The following FSTL5 variants were observed in gnomAD, a reference collection of about 807,000 sequenced individuals.
The protein encoded by FSTL5 is follistatin-related protein 5.
A neutral mutation model predicts 89.1 loss-of-function variants in FSTL5; 62 were observed. The ratio of observed to expected loss-of-function variants is 0.70; its 90% CI spans 0.57 to 0.86. FSTL5 has a LOEUF of 0.86. Ranked by LOEUF, FSTL5 falls within the 40% of genes least tolerant of loss-of-function variation. The pLI is 0.00. For missense variants in FSTL5, 1,057 were observed against 1,001.6 expected (o/e 1.06, Z -0.75); for synonymous variants, 383 against 346.2 (o/e 1.11, Z -1.18).
intron 7 of FSTL5, among the ~76,000 whole-genome samples, chr4:161,605,057 G>T (rs2126629252): frequency 6.6e-6 from 1 of 152,134 alleles, no homozygotes; most frequent in Admixed American, 6.6e-5. Context: ...GAAAACAAAT[G>T]GTCAACTATG....
intron 3 of FSTL5, among the ~76,000 whole-genome samples, chr4:161,953,565 T>A (rs1734954164): frequency 6.6e-6 from 1 of 151,700 alleles, no homozygotes; most frequent in Admixed American, 6.6e-5. Context: ...AGTCACACAT[T>A]TCATAGAATT....
At chr4:161,471,270 G>A (rs1560910835) in intron 13 of FSTL5, among the ~76,000 whole-genome samples, 1 of 152,190 alleles carries the variant, frequency 6.6e-6, no homozygotes, top group African/African-American at 2.4e-5. Flanking sequence ...ATGAAAGAGT[G>A]TTAAATTTTA....
chr4:162,006,706 A>T (rs1338280217), intron 3 of FSTL5, among the ~76,000 whole-genome samples: 2 of 151,874 alleles, frequency 1.3e-5, no homozygotes, highest in East Asian at 3.9e-4. Flanking sequence ...ATTTTGCCTC[A>T]TTTGTATTGT....
chr4:161,410,429 C>T (rs943737240), intron 15 of FSTL5, among the ~76,000 whole-genome samples: 3 of 152,294 alleles, frequency 2.0e-5, no homozygotes, highest in African/African-American at 4.8e-5. Context: ...ATACATTTTT[C>T]GCATCTGTGC....
At chr4:161,508,697 G>A (rs1730560967) in intron 11 of FSTL5, among the ~76,000 whole-genome samples, 1 of 151,866 alleles carries the variant, frequency 6.6e-6, no homozygotes, top group African/African-American at 2.4e-5. Context: ...AAATTACTAC[G>A]AATTAATAAT....
intron 2 of FSTL5, among the ~76,000 whole-genome samples, chr4:162,091,419 T>C (rs1023119041): frequency 3.3e-5 from 5 of 152,172 alleles, no homozygotes; most frequent in Non-Finnish European, 2.9e-5. Context: ...TAAACTAATA[T>C]ATTCTCTCTT....
chr4:161,617,017 T>A (rs1454943368), intron 7 of FSTL5, among the ~76,000 whole-genome samples: 1 of 151,486 alleles, frequency 6.6e-6, no homozygotes, highest in Non-Finnish European at 1.5e-5. Context: ...AAAACTTAAC[T>A]TTTGATGATT....
In FSTL5 at chr4:161,696,838, A is replaced by C. The variant is rs143179263; in HGVS notation, c.728-40344T>G. ...ATTGCTGAATTCTTTTATTAATTGT[A>C]GGAGCTTTAAGGAGGAGTCTTTAGG... On this transcript the variant is annotated intron_variant, in intron 6 of 15. Transcript: ENST00000306100. Among the ~76,000 whole-genome samples the C allele has an allele frequency of 1.7e-3, 262 of 152,312 alleles. 2 individuals carry two copies. The highest frequency in any genetic ancestry group is 3.6e-3 in the Admixed American group (55 of 15,298).
chr4:161,567,163 C>T (rs1007053103), intron 8 of FSTL5, among the ~76,000 whole-genome samples: 1 of 151,796 alleles, frequency 6.6e-6, no homozygotes, highest in Non-Finnish European at 1.5e-5. Context: ...AATTGAACTA[C>T]AATTTAAACA....
At chr4:161,603,878 A>T (rs1484692148) in intron 7 of FSTL5, among the ~76,000 whole-genome samples, 1 of 152,146 alleles carries the variant, frequency 6.6e-6, no homozygotes, top group East Asian at 1.9e-4. Context: ...CAACAACGTC[A>T]GTTCCCCAGT....
chr4:161,662,008 G>GAGGATTTTTTTTC (rs1390944193), intron 6 of FSTL5, among the ~76,000 whole-genome samples: 4 of 152,064 alleles, frequency 2.6e-5, no homozygotes, highest in Non-Finnish European at 5.9e-5. Context: ...ACATTCTGTT[G>GAGGATTTTTTTTC]AGGATTTTTT....
chr4:161,461,447 C>A (rs1228479277), intron 13 of FSTL5, among the ~76,000 whole-genome samples: 3 of 95,608 alleles, frequency 3.1e-5, no homozygotes, highest in East Asian at 6.8e-4. Flanking sequence ...GGTGACAGAG[C>A]AAGACTCCGT....
intron 6 of FSTL5, among the ~76,000 whole-genome samples, chr4:161,751,136 A>G (rs1167042567): frequency 6.6e-6 from 1 of 152,134 alleles, no homozygotes; most frequent in Non-Finnish European, 1.5e-5. Context: ...AAGGCACAAT[A>G]GTGGTATCCC....
chr4:161,993,691 A>T (rs1736203098), intron 3 of FSTL5, among the ~76,000 whole-genome samples: 1 of 152,124 alleles, frequency 6.6e-6, no homozygotes, highest in Non-Finnish European at 1.5e-5. Flanking sequence ...TTTGAATTAA[A>T]GGTACGTTTC....
chr4:161,768,240 C>T (rs1044456725), intron 5 of FSTL5, among the ~76,000 whole-genome samples: 1 of 152,052 alleles, frequency 6.6e-6, no homozygotes, highest in Non-Finnish European at 1.5e-5. Context: ...ATGATAGATA[C>T]TGCTATTAAT....
chr4:161,392,254 G>T (rs1730845914), intron 15 of FSTL5, among the ~76,000 whole-genome samples: 1 of 151,668 alleles, frequency 6.6e-6, no homozygotes, highest in Non-Finnish European at 1.5e-5. Context: ...TTGAGACAGG[G>T]TTTCACTCTG....
At chr4:162,129,291 C>T (rs549140052) in intron 1 of FSTL5, among the ~76,000 whole-genome samples, 81 of 151,752 alleles carry the variant, frequency 5.3e-4, no homozygotes, top group Non-Finnish European at 5.9e-4. Context: ...CCACACCTTA[C>T]CTAAAGTGTA....
rs150148431 is a variant in FSTL5 at position 161,509,450 on chromosome 4, G to A, written c.1339+948C>T. On this transcript the variant is annotated intron_variant, in intron 11 of 15. Transcript: ENST00000306100. ...TACCAGAATTTCTTTAATAAACCCA[G>A]GTTTTAATGGAGTTCATACAAAAGA... Among the ~76,000 whole-genome samples the A allele has an allele frequency of 5.4e-3, 819 of 152,142 alleles. 2 individuals carry two copies. Among genetic ancestry groups the A allele is most frequent in the Middle Eastern group, 0.02 (6 of 294 alleles).
intron 4 of FSTL5, among the ~76,000 whole-genome samples, chr4:161,882,765 G>T (rs1455013242): frequency 6.6e-6 from 1 of 151,946 alleles, no homozygotes; most frequent in Non-Finnish European, 1.5e-5. Context: ...TCCATTTACA[G>T]TGGAATAATT....
Sources: gnomAD v4.1 joint callset for allele counts (sites outside exome capture counted in the v4.1 genomes callset) on GRCh38, gnomAD v4.1.1 for gene constraint, MANE v1.5 for transcripts, NCBI Gene and HGNC (gene_info 2026-07-23, HGNC 2026-07-21) for gene names.